ATP2C1: variants seen among roughly 807,000 people sequenced by gnomAD.
ATP2C1 encodes the protein calcium-transporting ATPase type 2C member 1.
A neutral mutation model predicts 120.5 loss-of-function variants in ATP2C1; 31 were observed. The ratio of observed to expected loss-of-function variants is 0.26; its 90% CI spans 0.19 to 0.35. The LOEUF is 0.35. Ranked by LOEUF, ATP2C1 falls within the 10% of genes least tolerant of loss-of-function variation. ATP2C1 has a pLI of 1.00. For synonymous variants in ATP2C1, 351 were observed against 358.7 expected (o/e 0.98, Z 0.24); for missense variants, 731 against 1,107.5 (o/e 0.66, Z 4.83).
chr3:130,891,343 A>G (rs2107870620), upstream of ATP2C1, among the ~76,000 whole-genome samples: 1 of 152,326 alleles, frequency 6.6e-6, no homozygotes, highest in East Asian at 1.9e-4. Context: ...AAAACAAGAT[A>G]CCGCACACCC....
intron 2 of ATP2C1, among the ~76,000 whole-genome samples, chr3:130,921,084 T>C (rs56121231): frequency 0.17 from 25,716 of 147,336 alleles, 2,376 homozygotes; most frequent in Middle Eastern, 0.25. Context: ...TCTTTCTTTT[T>C]TTTTTTTTTT....
chr3:130,996,853 A>G (rs2062644790), intron 24 of ATP2C1, 57 bp downstream of exon 24: 3 of 1,202,042 alleles, frequency 2.5e-6, no homozygotes, highest in Non-Finnish European at 3.7e-6. Flanking sequence ...CTACCCTGAT[A>G]ATTAAGTTTT....
rs2059723565 is a variant in ATP2C1, at chr3:130,937,523, T to A, written c.360+60T>A. On this transcript the variant is annotated intron_variant, in intron 6 of 27. Transcript: ENST00000510168. Reference sequence around the variant, plus strand: ...TGTTAATTGCTTAAAAATCAAGGTGTCTTGTGGTAGAACCTACCGTTATTG... The same window carrying A: ...TGTTAATTGCTTAAAAATCAAGGTGACTTGTGGTAGAACCTACCGTTATTG... 3 of 1,427,282 alleles carry A rather than the reference T, an allele frequency of 2.1e-6. No homozygotes were observed. In the African/African-American group the frequency reaches 4.2e-5, roughly 20 times the overall value. The allele number at this position is 1,427,282 out of a possible 1,614,324, so 88.4% of individuals were successfully genotyped here.
At chr3:130,910,513 C>A (rs939741009) in intron 2 of ATP2C1, among the ~76,000 whole-genome samples, 2 of 142,928 alleles carry the variant, frequency 1.4e-5, no homozygotes, top group Non-Finnish European at 3.1e-5. Flanking sequence ...AGAGGGCATC[C>A]CTGTCTTGTG....
upstream of ATP2C1, among the ~76,000 whole-genome samples, chr3:130,893,776 G>T (rs2069299520): frequency 1.3e-5 from 2 of 152,192 alleles, no homozygotes; most frequent in East Asian, 1.9e-4. Context: ...CGTTCAGGGG[G>T]TGCATATAAA....
intron 2 of ATP2C1, among the ~76,000 whole-genome samples, chr3:130,928,842 A>G (rs905161379): frequency 1.3e-5 from 2 of 152,188 alleles, no homozygotes; most frequent in African/African-American, 4.8e-5. Flanking sequence ...ATTTTGCTTT[A>G]TGATCTCACA....
chr3:130,865,218 G>A (rs2068131705), intron 1 of ATP2C1, among the ~76,000 whole-genome samples: 1 of 152,120 alleles, frequency 6.6e-6, no homozygotes, highest in African/African-American at 2.4e-5. Flanking sequence ...CTGAATTTTT[G>A]GACTTGTATG....
intron 6 of ATP2C1, 83 bp from the exon 7 acceptor site, chr3:130,940,547 A>C (rs1469578102): frequency 1.1e-6 from 1 of 937,466 alleles, no homozygotes; most frequent in Non-Finnish European, 1.7e-6. Flanking sequence ...GGGAAATTTT[A>C]AAATAATGAT....
intron 1 of ATP2C1, chr3:130,868,961 A>G (rs1418611839): frequency 3.5e-5 from 6 of 172,484 alleles, no homozygotes; most frequent in Non-Finnish European, 7.1e-5. Flanking sequence ...CATGATGACA[A>G]TGGCGGTTTT....
chr3:130,964,712 A>C (rs2060975822), intron 13 of ATP2C1, among the ~76,000 whole-genome samples: 1 of 152,194 alleles, frequency 6.6e-6, no homozygotes, highest in Non-Finnish European at 1.5e-5. Flanking sequence ...GCTTTGTAGA[A>C]ACTAACTGTA....
rs760048151 is a variant in ATP2C1, at chr3:130,932,033, G to T, written c.129G>T (p.Gln43His). Residue 43 changes from glutamine (Q) to histidine (H), a missense_variant, in exon 4 of 28, where the codon CAG (glutamine) becomes CAT (histidine). Gln to His is a conservative substitution (Grantham distance 24). Around this residue, in one of 3 missense-constraint regions of ATP2C1, gnomAD observed 571 missense variants for 845.9 expected, o/e 0.67. Coordinates refer to ENST00000510168, the MANE Select transcript of ATP2C1 (RefSeq NM_001378687.1). ...EVASILQADLQNGLNKCEVSH... is the reference protein window; with the variant it reads ...EVASILQADLHNGLNKCEVSH... ...ATAAACTCTAATAGGCTGATCTTCA[G>T]AATGGTCTAAACAAATGTGAAGTTA... 3 of 1,608,350 alleles carry T rather than the reference G, an allele frequency of 1.9e-6. No individual in the cohort carries two copies. Among genetic ancestry groups the T allele is most frequent in the Non-Finnish European group, 2.6e-6 (3 of 1,174,968 alleles).
intron 2 of ATP2C1, among the ~76,000 whole-genome samples, chr3:130,926,884 G>T (rs1294711502): frequency 1.3e-5 from 2 of 152,214 alleles, no homozygotes; most frequent in Non-Finnish European, 2.9e-5. Context: ...TGTGTGCAAT[G>T]AAACCAGTGA....
rs2062727700 is a variant in ATP2C1 at position 130,998,309 on chromosome 3, A to G, written c.2407A>G (p.Ile803Val). 3.7e-6 allele frequency: 6 copies of G among 1,611,374 alleles called. No individual in the cohort carries two copies. The highest frequency in any genetic ancestry group is 4.2e-6 in the Non-Finnish European group (5 of 1,177,510). ...CTCTTGACAGCTACGAGACAATGTG[A>G]TTACACCTCGAGACACAACAATGAC... ...VFWRELRDNV[I>V]TPRDTTMTFT... Residue 803 changes from isoleucine (I) to valine (V), a missense_variant, in exon 26 of 28, where the codon ATT (isoleucine) becomes GTT (valine). This residue lies in a region of ATP2C1 where 141 missense variants were observed against 201.6 expected (regional missense o/e 0.70). Transcript: ENST00000510168.
intron 1 of ATP2C1, among the ~76,000 whole-genome samples, chr3:130,874,108 T>C (rs892776457): frequency 3.8e-5 from 5 of 131,652 alleles, no homozygotes; most frequent in Admixed American, 7.5e-5. Flanking sequence ...AGACTCTGTC[T>C]CAAAAAAAAA....
In ATP2C1 at chr3:130,963,968, T is replaced by C. The variant is rs565613004; in HGVS notation, c.900-3T>C. On this transcript the variant is annotated splice_polypyrimidine_tract_variant and splice_region_variant and intron_variant, in intron 12 of 27. Transcript: ENST00000510168. ...TTTAATACTTTGTATATGTTGGTTA[T>C]AGTTTGGCTGTAGCAGCAATTCCTG... 6.2e-7 allele frequency: 1 copy of C among 1,612,574 alleles called. No homozygotes were observed. The highest frequency in any genetic ancestry group is 8.5e-7 in the Non-Finnish European group (1 of 1,178,792).
chr3:130,927,230 A>AT (rs924179525), intron 2 of ATP2C1, among the ~76,000 whole-genome samples: 30 of 148,576 alleles, frequency 2.0e-4, no homozygotes, highest in Non-Finnish European at 3.3e-4. Context: ...CATCTTTAAG[A>AT]TTTTTTTTTT....
At chr3:130,869,422 T>TAAAAAAAAAAA (rs2068342474) in intron 1 of ATP2C1, 1 of 54,806 alleles carries the variant, frequency 1.8e-5, no homozygotes, top group Non-Finnish European at 3.1e-5. Context: ...GAATGATCAA[T>TAAAAAAAAAAA]AAAAAATAAA....
At chr3:130,889,806 C>G (rs2069110036), upstream of ATP2C1, among the ~76,000 whole-genome samples, 1 of 151,942 alleles carries the variant, frequency 6.6e-6, no homozygotes, top group South Asian at 2.1e-4. Context: ...CCACTGCACC[C>G]AGCTAATGCT....
At chr3:130,994,199 C>G (rs986981201) in intron 22 of ATP2C1, 101 bp downstream of exon 22, 21 of 1,413,872 alleles carry the variant, frequency 1.5e-5, no homozygotes, top group Non-Finnish European at 2.1e-5. Flanking sequence ...AGTATTTAAA[C>G]ATTAGGTAAA....
Sources: allele counts gnomAD v4.1 joint callset (sites outside exome capture counted in the v4.1 genomes callset), GRCh38; gene constraint gnomAD v4.1.1; regional missense constraint gnomAD v4.1.1; transcripts MANE v1.5; gene names NCBI Gene and HGNC (gene_info 2026-07-23, HGNC 2026-07-21).